The following DLGAP1 variants were observed in gnomAD, a reference collection of about 807,000 sequenced individuals.
The protein encoded by DLGAP1 is DLG associated protein 1.
Under a neutral mutation model 90.8 loss-of-function variants are expected in DLGAP1, and 11 were observed. The ratio of observed to expected loss-of-function variants is 0.12; its 90% CI spans 0.08 to 0.20. The LOEUF is 0.20. DLGAP1 is among the 10% of genes least tolerant of loss of function. The probability of loss-of-function intolerance (pLI) is 1.00; values close to 1 mark genes in which losing one functional copy is unlikely to be tolerated. For synonymous variants in DLGAP1, 558 were observed against 540.7 expected (o/e 1.03, Z -0.44); for missense variants, 1,050 against 1,333.8 (o/e 0.79, Z 3.31).
chr18:3,577,827 C>G (rs7244389), intron 8 of DLGAP1, among the ~76,000 whole-genome samples: 7,480 of 152,204 alleles, frequency 0.049, 231 homozygotes, highest in African/African-American at 0.065. Flanking sequence ...GGGTAATCTA[C>G]TTAAATTTAT....
chr18:3,504,525 C>T (rs1452953052), intron 11 of DLGAP1, among the ~76,000 whole-genome samples: 1 of 152,104 alleles, frequency 6.6e-6, no homozygotes, highest in Admixed American at 6.5e-5. Flanking sequence ...ACTGGGATTA[C>T]AGGTGTGTGC....
At chr18:3,893,449 G>T (rs1319679191) in intron 3 of DLGAP1, among the ~76,000 whole-genome samples, 3 of 151,834 alleles carry the variant, frequency 2.0e-5, no homozygotes, top group African/African-American at 7.3e-5. Context: ...CCTGGTGATG[G>T]GTGCTTGTAA....
chr18:4,298,120 A>G (rs1000618164), intron 1 of DLGAP1, among the ~76,000 whole-genome samples: 1 of 152,164 alleles, frequency 6.6e-6, no homozygotes, highest in African/African-American at 2.4e-5. Context: ...GATTGGCTCC[A>G]TGACCCTCAC....
chr18:3,724,101 G>C (rs544116378), intron 7 of DLGAP1, among the ~76,000 whole-genome samples: 1 of 152,298 alleles, frequency 6.6e-6, no homozygotes, highest in African/African-American at 2.4e-5. Context: ...GAGGTGGGAG[G>C]ATCACTTGAA....
At chr18:4,266,883 C>T (rs1435665879) in intron 1 of DLGAP1, among the ~76,000 whole-genome samples, 1 of 151,776 alleles carries the variant, frequency 6.6e-6, no homozygotes, top group Non-Finnish European at 1.5e-5. Context: ...ATAACATTTA[C>T]AAGCAAATAA....
intron 2 of DLGAP1, among the ~76,000 whole-genome samples, chr18:4,136,636 A>G (rs1302397652): frequency 6.6e-6 from 1 of 152,134 alleles, no homozygotes; most frequent in Non-Finnish European, 1.5e-5. Flanking sequence ...TATTCTTGTT[A>G]TTAATTCCTT....
At chr18:4,316,913 C>T (rs536915005) in intron 1 of DLGAP1, among the ~76,000 whole-genome samples, 2 of 152,242 alleles carry the variant, frequency 1.3e-5, no homozygotes, top group South Asian at 2.1e-4. Flanking sequence ...CGGTTGCCCC[C>T]GACCTTGCAG....
chr18:3,896,209 T>A (rs2071618908), intron 3 of DLGAP1: 3 of 152,168 alleles, frequency 2.0e-5, no homozygotes, highest in African/African-American at 7.2e-5. Context: ...AGGGCACAAC[T>A]AGTAGGCAGC....
intron 7 of DLGAP1, among the ~76,000 whole-genome samples, chr18:3,650,753 C>T (rs1260257379): frequency 6.6e-6 from 1 of 152,220 alleles, no homozygotes; most frequent in Non-Finnish European, 1.5e-5. Context: ...ATCTGACTAA[C>T]ATTTTGATTT....
intron 2 of DLGAP1, among the ~76,000 whole-genome samples, chr18:4,057,766 G>A (rs763309956): frequency 9.2e-5 from 14 of 152,234 alleles, no homozygotes; most frequent in Non-Finnish European, 1.5e-4. Flanking sequence ...TGGATTCGCC[G>A]CTGCTATCAT....
In DLGAP1 at chr18:4,252,494, T is replaced by C. The variant is rs144088928; in HGVS notation, c.-266-101207A>G. Among the ~76,000 whole-genome samples, 17 of 137,516 alleles carry C rather than the reference T, an allele frequency of 1.2e-4. No homozygotes were observed. In the East Asian group the frequency reaches 2.6e-3, roughly 21 times the overall value. 90.2% of individuals were successfully genotyped at this position (137,516 alleles called of 152,430 possible). A position where few individuals can be genotyped will look rare whatever the true frequency, so the allele number is the denominator to read the frequency against. On this transcript the variant is annotated intron_variant, in intron 1 of 12. Transcript: ENST00000315677. ...GAAAGAAAGTTTGTGCATACTTACA[T>C]TGAGAGAGTCAGAAAAGAAAAAAGC... is the stretch of plus-strand genomic sequence containing the variant.
intron 9 of DLGAP1, among the ~76,000 whole-genome samples, chr18:3,544,487 A>AT (rs1035392777): frequency 5.3e-5 from 8 of 152,064 alleles, no homozygotes; most frequent in Middle Eastern, 3.4e-3. Context: ...TTCCCTTTTG[A>AT]TTTTTTTCTT....
intron 7 of DLGAP1, among the ~76,000 whole-genome samples, chr18:3,659,850 C>A (rs2059628157): frequency 6.6e-6 from 1 of 152,190 alleles, no homozygotes; most frequent in South Asian, 2.1e-4. Context: ...ACGCATGAGC[C>A]ACCGCGCCCG....
At chr18:4,036,541 G>T (rs1267220394) in intron 2 of DLGAP1, among the ~76,000 whole-genome samples, 1 of 152,078 alleles carries the variant, frequency 6.6e-6, no homozygotes, top group African/African-American at 2.4e-5. Context: ...CAAAGTACTG[G>T]GATGTCACTT....
intron 1 of DLGAP1, among the ~76,000 whole-genome samples, chr18:4,417,439 TGTAAACAG>T (rs2082925014): frequency 6.6e-6 from 1 of 152,168 alleles, no homozygotes; most frequent in Non-Finnish European, 1.5e-5. Flanking sequence ...AATTGTTGAG[TGTAAACAG>T]GTCCTGAGAC....
At chr18:3,993,900 A>C (rs2074017423) in intron 3 of DLGAP1, among the ~76,000 whole-genome samples, 1 of 152,098 alleles carries the variant, frequency 6.6e-6, no homozygotes, top group Non-Finnish European at 1.5e-5. Flanking sequence ...TAGAGCAGAA[A>C]ATATATATGA....
chr18:4,220,436 C>T (rs1012187864), intron 1 of DLGAP1, among the ~76,000 whole-genome samples: 7 of 152,096 alleles, frequency 4.6e-5, no homozygotes, highest in African/African-American at 1.4e-4. Context: ...GTTATTTTGC[C>T]TCCATTTGTG....
intron 1 of DLGAP1, among the ~76,000 whole-genome samples, chr18:4,354,160 C>G (rs775250150): frequency 1.3e-5 from 2 of 152,180 alleles, no homozygotes; most frequent in Non-Finnish European, 2.9e-5. Flanking sequence ...GGCCTTCTGC[C>G]CTTCTTTCTC....
At chr18:3,666,247 C>A (rs113072982) in intron 7 of DLGAP1, among the ~76,000 whole-genome samples, 3,665 of 152,282 alleles carry the variant, frequency 0.024, 91 homozygotes, top group Non-Finnish European at 0.032. Flanking sequence ...CAAATAATAT[C>A]ACAAAACTTC....
Sources: allele counts gnomAD v4.1 joint callset (sites outside exome capture counted in the v4.1 genomes callset), GRCh38; gene constraint gnomAD v4.1.1; transcripts MANE v1.5; gene names NCBI Gene and HGNC (gene_info 2026-07-23, HGNC 2026-07-21).